RBMS2: variants seen among roughly 807,000 people sequenced by gnomAD.
The protein encoded by RBMS2 is RNA-binding motif, single-stranded-interacting protein 2.
Under a neutral mutation model 58.4 loss-of-function variants are expected in RBMS2, and 38 were observed. The observed-to-expected ratio is 0.65, with a 90% confidence interval of 0.50 to 0.85. RBMS2 has a LOEUF of 0.85. Among genes scored for constraint, RBMS2 ranks in the 40% least tolerant of loss-of-function variants. The pLI, the probability that RBMS2 is intolerant of heterozygous loss-of-function variation, is 0.00. For synonymous variants in RBMS2, 151 were observed against 180.7 expected, an observed-to-expected ratio of 0.84 and a Z score of 1.32; for missense variants, 367 against 503.7, an observed-to-expected ratio of 0.73 and a Z score of 2.60.
At position 56,571,647 on chromosome 12, in the gene RBMS2, G is replaced by A. The variant is rs112521072; in HGVS notation, c.385-51G>A. 4 of 1,425,590 alleles carry A rather than the reference G, an allele frequency of 2.8e-6. No individual in the cohort carries two copies. The African/African-American group carries it at 5.8e-5, about 21-fold the overall frequency. 88.3% of individuals were successfully genotyped at this position (1,425,590 alleles called of 1,614,324 possible). A position where few individuals can be genotyped will look rare whatever the true frequency, so the allele number is the denominator to read the frequency against. ...GTCATTTGTGGGGAGGGCTGAGGGT[G>A]GGAGAGGGATAAGAGATGTGAGCCT... On this transcript the variant is annotated intron_variant, in intron 4 of 13. Coordinates refer to ENST00000262031, the MANE Select transcript of RBMS2 (RefSeq NM_002898.4).
At chr12:56,522,147 G>A in intron 1 of RBMS2, 58 bp downstream of exon 1, 2 of 1,375,744 alleles carry the variant, frequency 1.5e-6, no homozygotes, top group East Asian at 2.3e-5. Context: ...ATCTTGCAAT[G>A]CCCTTGGTTT....
chr12:56,571,376 G>A (rs1882263376), intron 4 of RBMS2, among the ~76,000 whole-genome samples: 1 of 152,186 alleles, frequency 6.6e-6, no homozygotes, highest in Non-Finnish European at 1.5e-5. Context: ...AAGGCAGTCT[G>A]AGGGAATCCA....
chr12:56,588,222 T>G, intron 11 of RBMS2, 72 bp from the exon 12 acceptor site: 2 of 1,241,612 alleles, frequency 1.6e-6, no homozygotes, highest in Non-Finnish European at 2.4e-6. Context: ...AGTATTTTTT[T>G]TAAAGCCCCT....
intron 2 of RBMS2, among the ~76,000 whole-genome samples, chr12:56,566,254 G>T (rs1353155267): frequency 6.6e-6 from 1 of 152,192 alleles, no homozygotes; most frequent in African/African-American, 2.4e-5. Flanking sequence ...CTTTAGGGAT[G>T]GAAGGAGAGA....
intron 4 of RBMS2, among the ~76,000 whole-genome samples, chr12:56,571,162 G>T (rs1882233402): frequency 6.6e-6 from 1 of 152,182 alleles, no homozygotes; most frequent in African/African-American, 2.4e-5. Context: ...AAAGGTTTAG[G>T]AGCCTTCAGG....
chr12:56,589,725 A>G lies in RBMS2; in HGVS notation c.*592A>G, dbSNP rs1180088544. The G allele has an allele frequency of 3.3e-5, 5 of 152,892 alleles. No individual in the cohort carries two copies. Among genetic ancestry groups the G allele is most frequent in the African/African-American group, 1.2e-4 (5 of 41,382 alleles). The allele number at this position is 152,892 out of a possible 1,614,324, so 9.5% of individuals were successfully genotyped here. A position where few individuals can be genotyped will look rare whatever the true frequency, so the allele number is the denominator to read the frequency against. ...AGCTCATGCACCCCATCTCCTCTTC[A>G]CCCATATTATGCCTTCTTTCTCTTG... On this transcript the variant is annotated 3_prime_UTR_variant, in exon 14 of 14. Coordinates refer to ENST00000262031, the MANE Select transcript of RBMS2 (RefSeq NM_002898.4).
chr12:56,542,604 A>G (rs1876342215), intron 1 of RBMS2, among the ~76,000 whole-genome samples: 1 of 138,228 alleles, frequency 7.2e-6, no homozygotes, highest in Admixed American at 8.0e-5. Context: ...GCTGGAGTGC[A>G]GTGGCCCGAT....
Position 56,589,004 on chromosome 12 carries a change from A to G in RBMS2, c.1216A>G (p.Asn406Asp). ...GCATGGGGTCTATTCTTTCCAGTTC[A>G]ACAAGTAACAGTGGGTAAGAACCAC... ...SEHGVYSFQF[N>D]K The change falls in exon 13 of 14, where the codon AAC becomes GAC. Residue 406 changes from asparagine (N) to aspartate (D), a missense_variant. By Grantham distance (23) the Asn-to-Asp change is conservative. This residue lies in a region of RBMS2 where 220 missense variants were observed against 261.1 expected (regional missense o/e 0.84). Transcript: ENST00000262031. 6.2e-7 allele frequency: 1 copy of G among 1,614,228 alleles called. No homozygotes were observed.
chr12:56,556,867 T>C (rs995108630), intron 1 of RBMS2, among the ~76,000 whole-genome samples: 1 of 152,194 alleles, frequency 6.6e-6, no homozygotes, highest in African/African-American at 2.4e-5. Context: ...TATTAACTGA[T>C]GATATTATTT....
intron 4 of RBMS2, among the ~76,000 whole-genome samples, chr12:56,571,312 C>T (rs753766387): frequency 1.3e-5 from 2 of 152,120 alleles, no homozygotes; most frequent in Non-Finnish European, 2.9e-5. Context: ...GAGGATTCTG[C>T]GTGGCTGGAA....
intron 5 of RBMS2, chr12:56,572,844 T>C: frequency 1.0e-6 from 1 of 984,538 alleles, no homozygotes; most frequent in South Asian, 4.7e-5. Flanking sequence ...TATCAGAGCT[T>C]GTGAGCCTTG....
At chr12:56,583,644 A>G (rs191603617) in intron 9 of RBMS2, among the ~76,000 whole-genome samples, 2 of 118,706 alleles carry the variant, frequency 1.7e-5, no homozygotes, top group Admixed American at 2.0e-4. Context: ...ACAAGAGTGA[A>G]ACTCTGTCTC....
chr12:56,584,729 A>G (rs916729370), intron 9 of RBMS2, among the ~76,000 whole-genome samples: 33 of 151,968 alleles, frequency 2.2e-4, no homozygotes, highest in African/African-American at 6.3e-4. Flanking sequence ...AGCTTGCAGT[A>G]AGCCGAGATC....
At position 56,588,286 on chromosome 12, in the gene RBMS2, C is replaced by G; in HGVS notation, c.1063-8C>G. 3.1e-6 allele frequency: 5 copies of G among 1,612,088 alleles called. No individual in the cohort carries two copies. Among genetic ancestry groups the G allele is most frequent in the South Asian group, 2.2e-5 (2 of 91,032 alleles). On this transcript the variant is annotated splice_polypyrimidine_tract_variant and splice_region_variant and intron_variant, in intron 11 of 13. Transcript: ENST00000262031. ...CTGCTGTAAGCCTGTTGATGTTTCT[C>G]TTTCTAGTATATGCCGACGGCTGCA...
chr12:56,538,022 T>TTTTA (rs35430429), intron 1 of RBMS2, among the ~76,000 whole-genome samples: 36 of 150,006 alleles, frequency 2.4e-4, no homozygotes, highest in Middle Eastern at 6.9e-3. Context: ...GCTTATTTTA[T>TTTTA]TTTATTTATT....
intron 2 of RBMS2, among the ~76,000 whole-genome samples, chr12:56,568,063 CA>C (rs1210371569): frequency 6.6e-6 from 1 of 152,158 alleles, no homozygotes; most frequent in Non-Finnish European, 1.5e-5. Flanking sequence ...CTCCATTTTA[CA>C]GATGATGAGG....
chr12:56,521,324 A>G (rs1871691582), upstream of RBMS2, among the ~76,000 whole-genome samples: 1 of 150,880 alleles, frequency 6.6e-6, no homozygotes, highest in South Asian at 2.1e-4. Flanking sequence ...CAGCTACTCG[A>G]GAGGCTGAGG....
At chr12:56,554,977 G>C (rs907630457) in intron 1 of RBMS2, among the ~76,000 whole-genome samples, 5 of 151,406 alleles carry the variant, frequency 3.3e-5, no homozygotes, top group African/African-American at 1.2e-4. Context: ...CTATTATAAC[G>C]AATGATGCAA....
rs1882004504 is a variant in RBMS2, at chr12:56,569,920, AC to A, written c.315del (p.Asp105GlufsTer10). 6.2e-7 allele frequency: 1 copy of A among 1,613,586 alleles called. No homozygotes were observed. The highest frequency in any genetic ancestry group is 1.3e-5 in the African/African-American group (1 of 74,882). ...KCKGYGFVDF[D>X]SPSAAQKAVT... is the part of the protein sequence containing the mutation. ...CCAGGCTATGGCTTTGTAGATTTTGACAGCCCTTCAGCAGCACAGAAAGCTG... is the reference window on the plus strand; with the variant it reads ...CCAGGCTATGGCTTTGTAGATTTTGAAGCCCTTCAGCAGCACAGAAAGCTG... On this transcript the variant is annotated frameshift_variant, in exon 4 of 14. Transcript: ENST00000262031. LOFTEE classifies it high-confidence loss of function.
Sources: allele counts gnomAD v4.1 joint callset (sites outside exome capture counted in the v4.1 genomes callset), GRCh38; gene constraint gnomAD v4.1.1; regional missense constraint gnomAD v4.1.1; transcripts MANE v1.5; gene names NCBI Gene and HGNC (gene_info 2026-07-23, HGNC 2026-07-21).